Variants in AXDND1 observed in about 807,000 individuals in gnomAD.
The protein encoded by AXDND1 is axonemal dynein light chain domain containing 1.
Under a neutral mutation model 137.5 loss-of-function variants are expected in AXDND1, and 110 were observed. That is an observed-to-expected ratio of 0.80 (90% CI 0.69 to 0.94). AXDND1 has a LOEUF of 0.94. Among genes scored for constraint, AXDND1 ranks in the 40% least tolerant of loss-of-function variants. AXDND1 has a pLI of 0.00. For missense variants in AXDND1, 1,191 were observed against 1,169.8 expected (o/e 1.02, Z -0.26); for synonymous variants, 414 against 399.7 (o/e 1.04, Z -0.43).
chr1:179,385,849 G>A (rs80160056), intron 9 of AXDND1, among the ~76,000 whole-genome samples: 1 of 152,120 alleles, frequency 6.6e-6, no homozygotes, highest in Non-Finnish European at 1.5e-5. Flanking sequence ...CTGGTTGTTT[G>A]GTACCTGGCC....
At chr1:179,412,761 G>A (rs1654086393) in intron 12 of AXDND1, among the ~76,000 whole-genome samples, 3 of 152,152 alleles carry the variant, frequency 2.0e-5, no homozygotes. Flanking sequence ...ATAGGAAGCA[G>A]CAAAATCTCT....
At chr1:179,499,632 A>T (rs1392500708) in intron 20 of AXDND1, among the ~76,000 whole-genome samples, 4 of 152,184 alleles carry the variant, frequency 2.6e-5, no homozygotes, top group African/African-American at 9.6e-5. Flanking sequence ...GGTGTATCAT[A>T]TGTTTTTGAA....
At chr1:179,409,873 G>T (rs531631084) in intron 11 of AXDND1, among the ~76,000 whole-genome samples, 28 of 149,768 alleles carry the variant, frequency 1.9e-4, no homozygotes, top group African/African-American at 6.6e-4. Context: ...TATCTCCAGT[G>T]TTTTTTTTTT....
chr1:179,520,657 C>T lies in AXDND1; in HGVS notation c.2497-4677C>T, dbSNP rs186461837. Among the ~76,000 whole-genome samples the T allele has an allele frequency of 1.2e-3, 189 of 151,696 alleles. 1 individual carries two copies. The highest frequency in any genetic ancestry group is 2.3e-3 in the Non-Finnish European group (157 of 67,908). On this transcript the variant is annotated intron_variant, in intron 21 of 25. Coordinates refer to ENST00000367618, the MANE Select transcript of AXDND1 (RefSeq NM_144696.6). ...GCATAATATTAAATTTATATATTAA[C>T]TTAGAGTAGACATGTTTATGATGCT...
At chr1:179,424,261 C>T (rs1187649481) in intron 12 of AXDND1, among the ~76,000 whole-genome samples, 1 of 151,894 alleles carries the variant, frequency 6.6e-6, no homozygotes. Flanking sequence ...ATGTTATTTG[C>T]TTCTTTACTC....
rs748932404 is a variant in AXDND1 at position 179,378,639 on chromosome 1, A to G, written c.377A>G (p.Asp126Gly). The G allele has an allele frequency of 6.4e-6, 10 of 1,569,996 alleles. No individual in the cohort carries two copies. Among genetic ancestry groups the G allele is most frequent in the Non-Finnish European group, 8.6e-6 (10 of 1,157,658 alleles). Residue 126 changes from aspartate (D) to glycine (G), a missense_variant and splice_region_variant, in exon 5 of 26, where the codon GAT becomes GGT. By Grantham distance (94) the Asp-to-Gly change is moderately conservative. Transcript: ENST00000367618. Reference sequence around the variant, plus strand: ...AATATATTTTTCTTACTTTTTAGGGATATTTCTTTTCTGTACGATGTAACA... The same window carrying G: ...AATATATTTTTCTTACTTTTTAGGGGTATTTCTTTTCTGTACGATGTAACA... ...HPVSLTGAGR[D>G]ISFLYDVTYA...
intron 21 of AXDND1, among the ~76,000 whole-genome samples, chr1:179,519,068 A>G (rs956651374): frequency 2.0e-5 from 3 of 152,050 alleles, no homozygotes; most frequent in African/African-American, 7.2e-5. Context: ...TTTTGACTTT[A>G]TAATAGTTGC....
At chr1:179,423,196 AC>A (rs1428656030) in intron 12 of AXDND1, among the ~76,000 whole-genome samples, 5 of 87,542 alleles carry the variant, frequency 5.7e-5, no homozygotes, top group African/African-American at 1.9e-4. Flanking sequence ...TTATATAGTA[AC>A]CTTTTTTTTT....
intron 24 of AXDND1, among the ~76,000 whole-genome samples, chr1:179,534,192 A>G (rs1671295667): frequency 6.6e-6 from 1 of 152,230 alleles, no homozygotes; most frequent in Non-Finnish European, 1.5e-5. Flanking sequence ...AGGAGAAACT[A>G]TTGTGCTTGG....
intron 17 of AXDND1, among the ~76,000 whole-genome samples, chr1:179,473,101 G>T (rs905997088): frequency 6.6e-6 from 1 of 150,848 alleles, no homozygotes; most frequent in Non-Finnish European, 1.5e-5. Context: ...TGTTTTTTTT[G>T]TATTGAATGA....
At chr1:179,461,015 G>C (rs1041000490) in intron 16 of AXDND1, among the ~76,000 whole-genome samples, 2 of 152,172 alleles carry the variant, frequency 1.3e-5, no homozygotes, top group Non-Finnish European at 2.9e-5. Context: ...TGTTCACTCT[G>C]ATGGTAGTTT....
chr1:179,538,900 G>A (rs571403523), intron 25 of AXDND1, among the ~76,000 whole-genome samples: 99 of 148,472 alleles, frequency 6.7e-4, no homozygotes, highest in Non-Finnish European at 1.4e-3. Context: ...TATATATTTA[G>A]GAGAGTTAGC....
At chr1:179,513,262 T>A (rs1008528519) in intron 21 of AXDND1, among the ~76,000 whole-genome samples, 7 of 152,242 alleles carry the variant, frequency 4.6e-5, no homozygotes, top group African/African-American at 1.7e-4. Flanking sequence ...TGCTGAGAGT[T>A]TTAATCATAA....
chr1:179,386,602 A>G (rs760796838), intron 9 of AXDND1, among the ~76,000 whole-genome samples: 5 of 152,148 alleles, frequency 3.3e-5, no homozygotes, highest in Non-Finnish European at 7.4e-5. Context: ...CTAATGTTAT[A>G]CACATTTTTG....
chr1:179,546,604 A>G (rs1672670725), intron 25 of AXDND1, among the ~76,000 whole-genome samples: 1 of 151,910 alleles, frequency 6.6e-6, no homozygotes, highest in South Asian at 2.1e-4. Context: ...CATGCTGTCC[A>G]TTTTTCTAGA....
chr1:179,369,432 G>A (rs1309540496), intron 3 of AXDND1, among the ~76,000 whole-genome samples: 1 of 152,060 alleles, frequency 6.6e-6, no homozygotes, highest in Non-Finnish European at 1.5e-5. Flanking sequence ...GAGGCAGGCA[G>A]ATCACGAGGT....
intron 16 of AXDND1, chr1:179,456,033 A>G: frequency 2.2e-5 from 9 of 418,570 alleles, no homozygotes; most frequent in South Asian, 1.3e-4. Flanking sequence ...ATAACCTGTT[A>G]TAGAGTTAGT....
chr1:179,546,063 C>A (rs1672614640), intron 25 of AXDND1: 1 of 152,168 alleles, frequency 6.6e-6, no homozygotes, highest in Admixed American at 6.5e-5. Context: ...CAAACAAACA[C>A]CAATCATTTA....
intron 21 of AXDND1, among the ~76,000 whole-genome samples, chr1:179,517,282 T>A (rs1215306750): frequency 6.6e-6 from 1 of 152,198 alleles, no homozygotes; most frequent in Non-Finnish European, 1.5e-5. Context: ...TCTGAAGGGC[T>A]GGTCTTACTC....
Sources: gnomAD v4.1 joint callset for allele counts (sites outside exome capture counted in the v4.1 genomes callset) on GRCh38, gnomAD v4.1.1 for gene constraint, MANE v1.5 for transcripts, NCBI Gene and HGNC (gene_info 2026-07-23, HGNC 2026-07-21) for gene names.